Variants in TLK2 observed in about 807,000 individuals in gnomAD.
The protein encoded by TLK2 is tousled like kinase 2.
Under a neutral mutation model 117.3 loss-of-function variants are expected in TLK2, and 6 were observed. The ratio of observed to expected loss-of-function variants is 0.05; its 90% confidence interval spans 0.03 to 0.10. The LOEUF is 0.10. Among genes scored for constraint, TLK2 ranks in the 10% least tolerant of loss-of-function variants. The pLI is 1.00. For missense variants in TLK2, 299 were observed against 901.2 expected (o/e 0.33, Z 8.56); for synonymous variants, 257 against 316.7 (o/e 0.81, Z 2.00).
intron 16 of TLK2, among the ~76,000 whole-genome samples, chr17:62,588,193 T>G (rs946393845): frequency 3.3e-5 from 5 of 152,104 alleles, no homozygotes; most frequent in African/African-American, 7.2e-5. Flanking sequence ...ACGTCTCCTG[T>G]GCTGAGACGT....
rs958624217 is a variant in TLK2 at position 62,614,553 on chromosome 17, A to C, written c.*1988A>C. On this transcript the variant is annotated 3_prime_UTR_variant, in exon 22 of 22. Transcript: ENST00000346027. ...TTCGTTTGTTTTGTGGACCTGCCTC[A>C]GTCTCCTCAGTATCAGGCGATCTTA... 1.3e-5 allele frequency: 2 copies of C among 152,178 alleles called. No homozygotes were observed. Among genetic ancestry groups the C allele is most frequent in the Non-Finnish European group, 2.9e-5 (2 of 68,052 alleles). The allele number at this position is 152,178 out of a possible 1,614,324, so 9.4% of individuals were successfully genotyped here.
intron 1 of TLK2, among the ~76,000 whole-genome samples, chr17:62,471,553 CCT>C (rs2070939466): frequency 6.6e-6 from 1 of 152,192 alleles, no homozygotes; most frequent in African/African-American, 2.4e-5. Flanking sequence ...TAGCTGCTCT[CCT>C]CTCATTCATC....
intron 12 of TLK2, among the ~76,000 whole-genome samples, chr17:62,574,985 C>A (rs2080660456): frequency 6.6e-6 from 1 of 152,200 alleles, no homozygotes; most frequent in Admixed American, 6.5e-5. Context: ...GCTAATTAAT[C>A]TGACCAATGT....
rs1235030767 is a variant in TLK2 at position 62,613,420 on chromosome 17, C to T, written c.*855C>T. The stretch of plus-strand genomic sequence containing the variant: ...TTCAACTATTTCTTCACAATTTGAA[C>T]ACTTGACGGTTGTCCCTTTTAATTT... On this transcript the variant is annotated 3_prime_UTR_variant, in exon 22 of 22. Transcript: ENST00000346027. 1.3e-5 allele frequency: 2 copies of T among 152,618 alleles called. No homozygotes were observed. Among genetic ancestry groups the T allele is most frequent in the African/African-American group, 4.8e-5 (2 of 41,430 alleles). 9.5% of individuals were successfully genotyped at this position (152,618 alleles called of 1,614,324 possible).
chr17:62,503,814 C>G (rs1037065209), intron 2 of TLK2, among the ~76,000 whole-genome samples: 10 of 151,730 alleles, frequency 6.6e-5, no homozygotes, highest in African/African-American at 2.4e-4. Context: ...CTGCAGCCTC[C>G]CCCTCCCAGG....
chr17:62,533,593 C>T (rs1254474295), intron 6 of TLK2, among the ~76,000 whole-genome samples: 1 of 151,754 alleles, frequency 6.6e-6, no homozygotes, highest in African/African-American at 2.4e-5. Flanking sequence ...TCTCATGCCT[C>T]AGCTTCCCGA....
intron 2 of TLK2, among the ~76,000 whole-genome samples, chr17:62,492,826 A>G (rs1598179429): frequency 6.6e-6 from 1 of 152,032 alleles, no homozygotes; most frequent in South Asian, 2.1e-4. Flanking sequence ...GGCCAGGCAC[A>G]ATGGTTCAAG....
At chr17:62,600,514 A>G (rs1376104964) in intron 17 of TLK2, 137 bp from the exon 18 acceptor site, 1 of 720,538 alleles carries the variant, frequency 1.4e-6, no homozygotes, top group Non-Finnish European at 2.2e-6. Flanking sequence ...TGAATAAACA[A>G]TTGAAGAGTA....
In TLK2 at chr17:62,522,231, C is replaced by A. The variant is rs1567844041; in HGVS notation, c.181C>A (p.Arg61=). 6.2e-7 allele frequency: 1 copy of A among 1,612,428 alleles called. No individual in the cohort carries two copies. Among genetic ancestry groups the A allele is most frequent in the Non-Finnish European group, 8.5e-7 (1 of 1,179,344 alleles). ...ETPEKKQNDQ[R]NRKRKAEPYE... Reference sequence around the variant, plus strand: ...TCCCGAGAAAAAGCAGAATGACCAGCGAAATCGGAAAAGAAAAGCTGAACC... The same window carrying A: ...TCCCGAGAAAAAGCAGAATGACCAGAGAAATCGGAAAAGAAAAGCTGAACC... Residue 61 remains arginine (R), a synonymous_variant, in exon 4 of 22, where the codon CGA becomes AGA. Transcript: ENST00000346027.
At position 62,580,418 on chromosome 17, in the gene TLK2, A is replaced by T. The variant is rs541047682; in HGVS notation, c.1368+226A>T. On this transcript the variant is annotated intron_variant, in intron 15 of 21. Coordinates refer to ENST00000346027, the MANE Select transcript of TLK2 (RefSeq NM_006852.6). ...TTGAAAAATAAATAATTATAGATTT[A>T]AAAAACAAGAAGGAAATATACTGGG... 2.7e-5 allele frequency among the ~76,000 whole-genome samples: 4 copies of T among 148,696 alleles called. No individual in the cohort carries two copies. In the Admixed American group the frequency reaches 2.7e-4, roughly 10 times the overall value.
At chr17:62,564,616 G>A (rs2079589674) in intron 10 of TLK2, among the ~76,000 whole-genome samples, 1 of 151,744 alleles carries the variant, frequency 6.6e-6, no homozygotes, top group African/African-American at 2.4e-5. Context: ...ACTGAGGCAG[G>A]AGAATCGCTT....
intron 7 of TLK2, among the ~76,000 whole-genome samples, chr17:62,541,010 C>G (rs2077489649): frequency 1.3e-5 from 2 of 152,146 alleles, no homozygotes; most frequent in Non-Finnish European, 2.9e-5. Flanking sequence ...CAGTGATGCT[C>G]TCACCTCGGG....
intron 2 of TLK2, among the ~76,000 whole-genome samples, chr17:62,488,856 C>T (rs1360946625): frequency 2.5e-5 from 3 of 118,594 alleles, no homozygotes; most frequent in African/African-American, 3.3e-5. Flanking sequence ...GATGGGGTGT[C>T]ACTCTGTCAC....
At chr17:62,591,228 G>C (rs1053988996) in intron 16 of TLK2, among the ~76,000 whole-genome samples, 3 of 152,066 alleles carry the variant, frequency 2.0e-5, no homozygotes, top group Non-Finnish European at 4.4e-5. Context: ...CAGCCTGGGC[G>C]CCAGAGCAAG....
intron 7 of TLK2, among the ~76,000 whole-genome samples, chr17:62,537,224 A>T (rs1202054412): frequency 6.6e-6 from 1 of 152,226 alleles, no homozygotes; most frequent in Non-Finnish European, 1.5e-5. Context: ...ACTGTGTTCA[A>T]AAAGGTGCTG....
intron 2 of TLK2, among the ~76,000 whole-genome samples, chr17:62,501,219 CA>C (rs2074166750): frequency 6.6e-6 from 1 of 151,810 alleles, no homozygotes; most frequent in Non-Finnish European, 1.5e-5. Flanking sequence ...GCCTGGGTGA[CA>C]GAGCAAGACT....
chr17:62,494,817 T>A (rs1413475964), intron 2 of TLK2, among the ~76,000 whole-genome samples: 1 of 152,162 alleles, frequency 6.6e-6, no homozygotes, highest in East Asian at 1.9e-4. Flanking sequence ...GATCCCAGAA[T>A]AAGGGAGTAT....
chr17:62,484,382 C>T (rs2072077189), intron 2 of TLK2, among the ~76,000 whole-genome samples: 1 of 151,362 alleles, frequency 6.6e-6, no homozygotes, highest in South Asian at 2.1e-4. Context: ...CTGCAACCTC[C>T]GCTTCCTGGG....
chr17:62,474,793 T>C (rs547545082), upstream of TLK2, among the ~76,000 whole-genome samples: 12 of 151,444 alleles, frequency 7.9e-5, no homozygotes, highest in South Asian at 2.5e-3. Context: ...CCCAATGTGC[T>C]GGGATTACAG....
Sources: gnomAD v4.1 joint callset for allele counts (sites outside exome capture counted in the v4.1 genomes callset) on GRCh38, gnomAD v4.1.1 for gene constraint, MANE v1.5 for transcripts, NCBI Gene and HGNC (gene_info 2026-07-23, HGNC 2026-07-21) for gene names.